Variants in LRRC28 observed in about 807,000 individuals in gnomAD.
The protein encoded by LRRC28 is leucine-rich repeat-containing protein 28.
Under a neutral mutation model 45.7 loss-of-function variants are expected in LRRC28, and 39 were observed. The ratio of observed to expected loss-of-function variants is 0.85; its 90% CI spans 0.66 to 1.12. The LOEUF (loss-of-function observed/expected upper bound fraction) is 1.12. LRRC28 is among the 50% of genes most tolerant of loss of function. LRRC28 has a pLI of 0.00. For missense variants in LRRC28, 435 were observed against 438.5 expected (o/e 0.99, Z 0.07); for synonymous variants, 206 against 178.8 (o/e 1.15, Z -1.22).
chr15:99,356,599 G>T (rs1957054220), intron 7 of LRRC28, among the ~76,000 whole-genome samples: 1 of 152,096 alleles, frequency 6.6e-6, no homozygotes, highest in South Asian at 2.1e-4. Context: ...ATCCTTGAAG[G>T]AAAATAGGGA....
intron 7 of LRRC28, among the ~76,000 whole-genome samples, chr15:99,357,498 C>G (rs970591767): frequency 6.6e-6 from 1 of 152,178 alleles, no homozygotes; most frequent in Non-Finnish European, 1.5e-5. Context: ...AACCTTCATG[C>G]TGTTCAAAAA....
In LRRC28 at chr15:99,363,108, T is replaced by G. The variant is rs1330637362; in HGVS notation, c.874T>G (p.Leu292Val). Residue 292 changes from leucine to valine, a missense_variant and splice_region_variant, in exon 9 of 10, where the codon TTG (leucine) becomes GTG (valine). Leu to Val is a conservative substitution (Grantham distance 32). Transcript: ENST00000301981. Reference protein sequence around the residue: ...YHTYHSLLKDLNFLSPISLPR... With the variant: ...YHTYHSLLKDVNFLSPISLPR... ...CGTGATTTTCTTTTGTGTTCCAGAT[T>G]TGAACTTTCTGTCTCCAATCTCATT... 1 of 1,605,948 alleles carries G rather than the reference T, an allele frequency of 6.2e-7. No homozygotes were observed. The highest frequency in any genetic ancestry group is 1.7e-5 in the Admixed American group (1 of 58,526).
chr15:99,361,268 A>C, intron 7 of LRRC28, 68 bp from the exon 8 acceptor site: 1 of 1,503,474 alleles, frequency 6.7e-7, no homozygotes, highest in Non-Finnish European at 8.9e-7. Flanking sequence ...TTTGATTAAC[A>C]CATTTTATTG....
intron 5 of LRRC28, among the ~76,000 whole-genome samples, chr15:99,302,044 T>TC (rs149434381): frequency 0.013 from 2,005 of 149,496 alleles, 41 homozygotes; most frequent in African/African-American, 0.047. Context: ...TTTTTTTTTT[T>TC]GAGACGGAGT....
intron 5 of LRRC28, among the ~76,000 whole-genome samples, chr15:99,312,929 A>G (rs1440536848): frequency 6.6e-6 from 1 of 152,240 alleles, no homozygotes; most frequent in Non-Finnish European, 1.5e-5. Context: ...AATTGTAAAT[A>G]TAACAACATC....
intron 9 of LRRC28, 162 bp downstream of exon 9, chr15:99,363,427 C>A: frequency 2.8e-6 from 2 of 704,820 alleles, no homozygotes; most frequent in Non-Finnish European, 4.5e-6. Flanking sequence ...TTCAACATCA[C>A]AAGAAAACTG....
chr15:99,379,647 A>C (rs1957755810), intron 9 of LRRC28, among the ~76,000 whole-genome samples: 1 of 152,126 alleles, frequency 6.6e-6, no homozygotes, highest in Non-Finnish European at 1.5e-5. Context: ...TGTCAATTTT[A>C]GATCTTTCCT....
chr15:99,287,585 T>G (rs2081992674), intron 4 of LRRC28, among the ~76,000 whole-genome samples: 1 of 152,218 alleles, frequency 6.6e-6, no homozygotes, highest in South Asian at 2.1e-4. Flanking sequence ...TCTTGATTTA[T>G]TTTAGTCTTA....
chr15:99,369,756 C>T (rs143284261), intron 9 of LRRC28, among the ~76,000 whole-genome samples: 240 of 152,272 alleles, frequency 1.6e-3, no homozygotes, highest in African/African-American at 5.7e-3. Flanking sequence ...ACCAAGTTGA[C>T]ACATAAAATT....
chr15:99,273,651 C>T (rs1421648060), intron 2 of LRRC28, among the ~76,000 whole-genome samples: 2 of 152,188 alleles, frequency 1.3e-5, no homozygotes, highest in Admixed American at 6.5e-5. Context: ...CATAGAGATG[C>T]TCTATTGGCA....
rs141373694 is a variant in LRRC28, at chr15:99,345,418, A to G, written c.593-6951A>G. Among the ~76,000 whole-genome samples, 491 of 152,294 alleles carry G rather than the reference A, an allele frequency of 3.2e-3. 2 individuals carry two copies. Among genetic ancestry groups the G allele is most frequent in the African/African-American group, 0.011 (455 of 41,574 alleles). ...CCTTTGAAGTCTTCTATTTGTGGCTATAGGACTTGTTGAGCACCTTTTCAT... is the reference window on the plus strand; with the variant it reads ...CCTTTGAAGTCTTCTATTTGTGGCTGTAGGACTTGTTGAGCACCTTTTCAT... On this transcript the variant is annotated intron_variant, in intron 6 of 9. Transcript: ENST00000301981.
intron 2 of LRRC28, chr15:99,258,100 TA>T (rs1220181912): frequency 6.3e-7 from 1 of 1,578,600 alleles, no homozygotes; most frequent in Non-Finnish European, 8.7e-7. Flanking sequence ...AAGAGTTGGT[TA>T]AAAACCTTGG....
At chr15:99,319,316 G>T (rs1316933931) in intron 5 of LRRC28, among the ~76,000 whole-genome samples, 1 of 152,092 alleles carries the variant, frequency 6.6e-6, no homozygotes, top group Admixed American at 6.6e-5. Flanking sequence ...AACATAAAAT[G>T]AAAATCTGGG....
chr15:99,295,589 A>G (rs780677489), intron 5 of LRRC28, among the ~76,000 whole-genome samples: 16 of 152,222 alleles, frequency 1.1e-4, no homozygotes, highest in Non-Finnish European at 2.1e-4. Context: ...CTGAATTACC[A>G]TGAGAGAAGG....
chr15:99,344,000 T>C (rs1196703147), intron 6 of LRRC28, among the ~76,000 whole-genome samples: 1 of 152,122 alleles, frequency 6.6e-6, no homozygotes, highest in Non-Finnish European at 1.5e-5. Flanking sequence ...TGCCCGGCGC[T>C]GCGGTGTCCT....
chr15:99,255,815 A>G lies in LRRC28; in HGVS notation c.-60-83A>G, dbSNP rs150340285. The stretch of plus-strand genomic sequence containing the variant: ...TTAATTATTTTTTTCAGTGTCTTCA[A>G]GTGGCTCTGTGTGCTAACTGGTTTA... On this transcript the variant is annotated intron_variant, in intron 1 of 9. Transcript: ENST00000301981. The G allele has an allele frequency of 3.4e-4, 247 of 725,220 alleles. 2 individuals are homozygous for G. The African/African-American group carries it at 4.2e-3, about 12-fold the overall frequency. 44.9% of individuals were successfully genotyped at this position (725,220 alleles called of 1,614,324 possible).
At chr15:99,313,343 T>C (rs927456942) in intron 5 of LRRC28, among the ~76,000 whole-genome samples, 1 of 152,144 alleles carries the variant, frequency 6.6e-6, no homozygotes, top group African/African-American at 2.4e-5. Context: ...AACGCAATTA[T>C]GTTGAAGATT....
chr15:99,329,927 G>A (rs1310223656), intron 5 of LRRC28, among the ~76,000 whole-genome samples: 1 of 152,022 alleles, frequency 6.6e-6, no homozygotes, highest in Non-Finnish European at 1.5e-5. Flanking sequence ...TTATACCCAT[G>A]CACCTATGAT....
At chr15:99,263,208 CT>C in intron 2 of LRRC28, among the ~76,000 whole-genome samples, 1 of 147,500 alleles carries the variant, frequency 6.8e-6, no homozygotes, top group Non-Finnish European at 1.5e-5. Flanking sequence ...GTCCCAGCTA[CT>C]TGGGGGGTCT....
Sources: gnomAD v4.1 joint callset for allele counts (sites outside exome capture counted in the v4.1 genomes callset) on GRCh38, gnomAD v4.1.1 for gene constraint, MANE v1.5 for transcripts, NCBI Gene and HGNC (gene_info 2026-07-23, HGNC 2026-07-21) for gene names.